Variants in ATP6V1C1 observed in about 807,000 individuals in gnomAD.
The protein encoded by ATP6V1C1 is V-type proton ATPase subunit C 1.
Under a neutral mutation model 53.9 loss-of-function variants are expected in ATP6V1C1, and 45 were observed. The observed-to-expected ratio is 0.83, with a 90% CI of 0.66 to 1.07. The LOEUF (loss-of-function observed/expected upper bound fraction) is 1.07. ATP6V1C1 is among the 50% of genes least tolerant of loss of function. ATP6V1C1 has a pLI of 0.00. For missense variants in ATP6V1C1, 315 were observed against 440.3 expected (o/e 0.72, Z 2.55); for synonymous variants, 153 against 155.2 (o/e 0.99, Z 0.11).
At chr8:103,064,209 G>C (rs1024721959) in intron 10 of ATP6V1C1, among the ~76,000 whole-genome samples, 1 of 152,120 alleles carries the variant, frequency 6.6e-6, no homozygotes, top group Admixed American at 6.5e-5. Flanking sequence ...AGAATGTAAA[G>C]AGGTTTTAGA....
In ATP6V1C1 at chr8:103,067,170, G is replaced by T. The variant is rs184458487; in HGVS notation, c.1053+723G>T. Reference sequence around the variant, plus strand: ...TCCCAGCACTTTGGGAGGCCGAGGCGGGGGGATCACCTTAAGTCAGGAGTT... The same window carrying T: ...TCCCAGCACTTTGGGAGGCCGAGGCTGGGGGATCACCTTAAGTCAGGAGTT... On this transcript the variant is annotated intron_variant, in intron 12 of 12. Transcript: ENST00000518738. 3.4e-3 allele frequency among the ~76,000 whole-genome samples: 521 copies of T among 151,896 alleles called. 2 individuals carry two copies. The highest frequency in any genetic ancestry group is 0.012 in the African/African-American group (490 of 41,456).
intron 4 of ATP6V1C1, 49 bp downstream of exon 4, chr8:103,049,004 A>G: frequency 1.3e-6 from 2 of 1,534,376 alleles, no homozygotes; most frequent in Non-Finnish European, 1.8e-6. Context: ...CAAAGCAAAT[A>G]ACTAAGCTAC....
At chr8:103,054,127 A>G (rs192553029) in intron 7 of ATP6V1C1, 145 bp downstream of exon 7, 1 of 560,002 alleles carries the variant, frequency 1.8e-6, no homozygotes, top group East Asian at 3.2e-5. Context: ...ACATTTGCTC[A>G]TGTGGCACAT....
rs1302123884 is a variant in ATP6V1C1, at chr8:103,069,904, C to T, written c.*1157C>T. 6.6e-6 allele frequency: 1 copy of T among 152,138 alleles called. No homozygotes were observed. Among genetic ancestry groups the T allele is most frequent in the East Asian group, 1.9e-4 (1 of 5,202 alleles). The allele number at this position is 152,138 out of a possible 1,614,324, so 9.4% of individuals were successfully genotyped here. Reference sequence around the variant, plus strand: ...TATTATATTATTTCATAAATAATTTCAAGCAAATACAGACATCCACAATGT... The same window carrying T: ...TATTATATTATTTCATAAATAATTTTAAGCAAATACAGACATCCACAATGT... On this transcript the variant is annotated 3_prime_UTR_variant, in exon 13 of 13. Coordinates refer to ENST00000518738, the MANE Select transcript of ATP6V1C1 (RefSeq NM_001695.5).
chr8:103,028,212 G>A (rs1437453069), intron 1 of ATP6V1C1, among the ~76,000 whole-genome samples: 1 of 152,178 alleles, frequency 6.6e-6, no homozygotes, highest in Non-Finnish European at 1.5e-5. Context: ...TAAACTGGAA[G>A]AGAGAAATTT....
Position 103,063,079 on chromosome 8 carries a change from T to A in ATP6V1C1, c.734+32T>A, listed in dbSNP as rs199836028. On this transcript the variant is annotated intron_variant, in intron 9 of 12. Coordinates refer to ENST00000518738, the MANE Select transcript of ATP6V1C1 (RefSeq NM_001695.5). ...TTATTGTTTTTTTGTTTATTTACTTTGTTAGATCAGCTGTATACAATGTGA... is the reference window on the plus strand; with the variant it reads ...TTATTGTTTTTTTGTTTATTTACTTAGTTAGATCAGCTGTATACAATGTGA... 1.2e-5 allele frequency: 20 copies of A among 1,612,300 alleles called. No homozygotes were observed. In the East Asian group the frequency reaches 4.2e-4, roughly 34 times the overall value.
chr8:103,031,517 G>A (rs1484958282), intron 1 of ATP6V1C1, among the ~76,000 whole-genome samples: 1 of 152,150 alleles, frequency 6.6e-6, no homozygotes, highest in Non-Finnish European at 1.5e-5. Context: ...GAAGGTAACA[G>A]TCAGATCTCA....
intron 1 of ATP6V1C1, among the ~76,000 whole-genome samples, chr8:103,022,454 C>A (rs1037211645): frequency 4.6e-5 from 7 of 151,950 alleles, no homozygotes; most frequent in African/African-American, 7.3e-5. Flanking sequence ...TATGCAGGTA[C>A]AGTGCTGATG....
chr8:103,058,346 C>T (rs1277316802), intron 8 of ATP6V1C1, among the ~76,000 whole-genome samples: 1 of 152,186 alleles, frequency 6.6e-6, no homozygotes, highest in Non-Finnish European at 1.5e-5. Flanking sequence ...ATCACTGACT[C>T]AAAAACTTAC....
chr8:103,055,792 A>C, intron 7 of ATP6V1C1, 76 bp from the exon 8 acceptor site: 2 of 1,384,156 alleles, frequency 1.4e-6, no homozygotes, highest in Non-Finnish European at 2.0e-6. Context: ...TTGTCTCATA[A>C]TTTTTTCTCT....
intron 12 of ATP6V1C1, among the ~76,000 whole-genome samples, chr8:103,067,004 G>C (rs1817503174): frequency 1.3e-5 from 2 of 151,628 alleles, no homozygotes; most frequent in South Asian, 4.2e-4. Context: ...ACCAAAAAAT[G>C]TATTATGTGT....
chr8:103,062,166 T>TTG (rs1817411615), intron 8 of ATP6V1C1, among the ~76,000 whole-genome samples: 2 of 124,602 alleles, frequency 1.6e-5, no homozygotes, highest in East Asian at 2.2e-4. Context: ...TCAGGGTTTT[T>TTG]TTTTTTTTTT....
intron 1 of ATP6V1C1, among the ~76,000 whole-genome samples, chr8:103,036,654 GTAT>G (rs1316181908): frequency 6.6e-6 from 1 of 152,180 alleles, no homozygotes; most frequent in Non-Finnish European, 1.5e-5. Context: ...GATAGGGCAG[GTAT>G]TATTTATAGA....
chr8:103,040,278 A>G (rs1274440825), intron 1 of ATP6V1C1, among the ~76,000 whole-genome samples: 2 of 151,982 alleles, frequency 1.3e-5, no homozygotes, highest in Admixed American at 6.6e-5. Flanking sequence ...GCTGGGTGTG[A>G]TGGTGCATGG....
chr8:103,043,372 G>T (rs1412154247), intron 3 of ATP6V1C1, among the ~76,000 whole-genome samples: 3 of 152,176 alleles, frequency 2.0e-5, no homozygotes, highest in African/African-American at 7.2e-5. Context: ...GCCCAGGCTG[G>T]AGTGCAGTGG....
At chr8:103,046,826 A>T (rs1016041174) in intron 3 of ATP6V1C1, among the ~76,000 whole-genome samples, 1 of 152,226 alleles carries the variant, frequency 6.6e-6, no homozygotes, top group Non-Finnish European at 1.5e-5. Context: ...ATTAGAGCAG[A>T]TATTTTTGAG....
chr8:103,068,568 A>G lies in ATP6V1C1; in HGVS notation c.1054-84A>G, dbSNP rs1248166687. On this transcript the variant is annotated intron_variant, in intron 12 of 12. Transcript: ENST00000518738. The stretch of plus-strand genomic sequence containing the variant: ...TACATTTAGCCCAGAGTAGATGTTC[A>G]ATAAAAAGGTAAATGTTAATACTTG... 7.0e-6 allele frequency: 7 copies of G among 1,005,940 alleles called. No individual in the cohort carries two copies. In the African/African-American group the frequency reaches 1.0e-4, roughly 14 times the overall value. 62.3% of individuals were successfully genotyped at this position (1,005,940 alleles called of 1,614,324 possible). A position where few individuals can be genotyped will look rare whatever the true frequency, so the allele number is the denominator to read the frequency against.
At chr8:103,042,251 T>C (rs1469776334) in intron 2 of ATP6V1C1, 89 bp from the exon 3 acceptor site, 11 of 1,278,766 alleles carry the variant, frequency 8.6e-6, no homozygotes, top group Non-Finnish European at 1.1e-6. Flanking sequence ...GAATTTAAGA[T>C]TTGTGAGAAC....
chr8:103,037,460 A>G (rs777362549), intron 1 of ATP6V1C1, among the ~76,000 whole-genome samples: 4 of 152,166 alleles, frequency 2.6e-5, no homozygotes, highest in African/African-American at 7.2e-5. Context: ...TTTAAAATAA[A>G]TCCCAAACTC....
Sources: allele counts gnomAD v4.1 joint callset (sites outside exome capture counted in the v4.1 genomes callset), GRCh38; gene constraint gnomAD v4.1.1; transcripts MANE v1.5; gene names NCBI Gene and HGNC (gene_info 2026-07-23, HGNC 2026-07-21).